VEGFC: variants seen among roughly 807,000 people sequenced by gnomAD.
VEGFC encodes vascular endothelial growth factor C, also known as FLT4 ligand DHM.
A neutral mutation model predicts 46.1 loss-of-function variants in VEGFC; 12 were observed. The ratio of observed to expected loss-of-function variants is 0.26; its 90% CI spans 0.17 to 0.42. VEGFC has a LOEUF of 0.42. Among genes scored for constraint, VEGFC ranks in the 10% least tolerant of loss-of-function variants. The probability of loss-of-function intolerance (pLI) is 1.00; values close to 1 mark genes in which losing one functional copy is unlikely to be tolerated. For missense variants in VEGFC, 488 were observed against 529.4 expected, an observed-to-expected ratio of 0.92 and a Z score of 0.77; for synonymous variants, 232 against 195.5, an observed-to-expected ratio of 1.19 and a Z score of -1.56.
At chr4:176,734,118 C>A (rs1406486681) in intron 1 of VEGFC, among the ~76,000 whole-genome samples, 1 of 151,768 alleles carries the variant, frequency 6.6e-6, no homozygotes, top group Non-Finnish European at 1.5e-5. Flanking sequence ...TAGTCACCAG[C>A]TAGGTAACTT....
intron 1 of VEGFC, among the ~76,000 whole-genome samples, chr4:176,777,059 A>AT (rs1275072243): frequency 6.6e-6 from 1 of 152,170 alleles, no homozygotes; most frequent in Non-Finnish European, 1.5e-5. Flanking sequence ...CACGCCTGTA[A>AT]TCCCAGCACT....
intron 4 of VEGFC, among the ~76,000 whole-genome samples, chr4:176,692,411 C>CA (rs1296618394): frequency 4.7e-5 from 6 of 128,658 alleles, no homozygotes; most frequent in African/African-American, 8.0e-5. Flanking sequence ...AACAAACAAA[C>CA]AAACAAAAAA....
chr4:176,766,887 A>C (rs1226416418), intron 1 of VEGFC, among the ~76,000 whole-genome samples: 1 of 151,986 alleles, frequency 6.6e-6, no homozygotes, highest in African/African-American at 2.4e-5. Context: ...AGCTTCTACA[A>C]GACTATTTTC....
intron 4 of VEGFC, among the ~76,000 whole-genome samples, chr4:176,709,614 G>A (rs1305909593): frequency 1.3e-5 from 2 of 152,176 alleles, no homozygotes; most frequent in Non-Finnish European, 2.9e-5. Flanking sequence ...TACAGAGCAG[G>A]AAATGAGCTT....
rs1004741257 is a variant in VEGFC, at chr4:176,792,883, A to AGCG, written c.-575_-573dup. On this transcript the variant is annotated 5_prime_UTR_variant, in exon 1 of 7. Coordinates refer to ENST00000618562, the MANE Select transcript of VEGFC (RefSeq NM_005429.5). The surrounding 1 kb of genome is among the most constrained non-coding windows in gnomAD (Gnocchi z 6.3). Reference sequence around the variant, plus strand: ...GGATCCTCCAGAGCGCGCCGGGCTGAGCGGCGGCGGCGGCGGCGGCGGGCG... The same window carrying AGCG: ...GGATCCTCCAGAGCGCGCCGGGCTGAGCGGCGGCGGCGGCGGCGGCGGCGGGCG... 3.0e-3 allele frequency among the ~76,000 whole-genome samples: 430 copies of AGCG among 144,912 alleles called. 1 individual carries two copies. Among genetic ancestry groups the AGCG allele is most frequent in the African/African-American group, 6.8e-3 (272 of 39,912 alleles).
chr4:176,740,359 A>ATATATAAC (rs1735146136), intron 1 of VEGFC, among the ~76,000 whole-genome samples: 3 of 120,732 alleles, frequency 2.5e-5, no homozygotes, highest in African/African-American at 1.0e-4. Context: ...ATATATAGTT[A>ATATATAAC]TATATATTCT....
At chr4:176,719,527 C>T (rs1212609492) in intron 3 of VEGFC, among the ~76,000 whole-genome samples, 1 of 152,110 alleles carries the variant, frequency 6.6e-6, no homozygotes, top group Non-Finnish European at 1.5e-5. Flanking sequence ...CCTCGACCTC[C>T]CTTGGTTTAT....
chr4:176,687,286 C>A lies in VEGFC; in HGVS notation c.1046G>T (p.Arg349Ile). 6.2e-7 allele frequency: 1 copy of A among 1,614,080 alleles called. No homozygotes were observed. Among genetic ancestry groups the A allele is most frequent in the Non-Finnish European group, 8.5e-7 (1 of 1,180,028 alleles). ...CQCVCKRTCP[R>I]NQPLNPGKCA... The stretch of plus-strand genomic sequence containing the variant: ...TTTTCCAGGATTTAGGGGTTGATTT[C>A]TGGGGCAGGTTCTTTTACATACACA... The change falls in exon 6 of 7, where the codon AGA becomes ATA. Residue 349 changes from arginine to isoleucine, a missense_variant. Coordinates refer to ENST00000618562, the MANE Select transcript of VEGFC (RefSeq NM_005429.5).
chr4:176,688,892 A>G (rs1209316644), intron 4 of VEGFC, among the ~76,000 whole-genome samples: 3 of 152,174 alleles, frequency 2.0e-5, no homozygotes, highest in East Asian at 3.9e-4. Context: ...ACAGCATTTT[A>G]GAGGCTATCA....
intron 4 of VEGFC, among the ~76,000 whole-genome samples, chr4:176,693,147 G>A (rs1380134638): frequency 2.0e-5 from 3 of 152,032 alleles, no homozygotes; most frequent in Non-Finnish European, 2.9e-5. Flanking sequence ...GACGAGCTGC[G>A]AGAAGAAGGC....
chr4:176,736,692 G>A (rs955231989), intron 1 of VEGFC, among the ~76,000 whole-genome samples: 1 of 151,814 alleles, frequency 6.6e-6, no homozygotes, highest in Admixed American at 6.6e-5. Flanking sequence ...TCATTTGAAT[G>A]AAAATATTTC....
intron 1 of VEGFC, among the ~76,000 whole-genome samples, chr4:176,757,816 T>C (rs1289606765): frequency 6.6e-6 from 1 of 152,064 alleles, no homozygotes; most frequent in Non-Finnish European, 1.5e-5. Flanking sequence ...CCTGAAATTA[T>C]AATTAACCTA....
chr4:176,714,935 C>A (rs1734674094), intron 3 of VEGFC, among the ~76,000 whole-genome samples: 1 of 152,162 alleles, frequency 6.6e-6, no homozygotes. Flanking sequence ...TCAAAGGCTG[C>A]AAGAAATGTG....
intron 4 of VEGFC, among the ~76,000 whole-genome samples, chr4:176,708,196 A>T (rs918022297): frequency 6.6e-6 from 1 of 151,564 alleles, no homozygotes; most frequent in Non-Finnish European, 1.5e-5. Context: ...AAATTATTAT[A>T]TTTGTATTAT....
chr4:176,728,107 G>T, intron 2 of VEGFC, 139 bp from the exon 3 acceptor site: 1 of 588,474 alleles, frequency 1.7e-6, no homozygotes, highest in Non-Finnish European at 2.8e-6. Flanking sequence ...CAGCTGATGG[G>T]ATCCTAAATT....
chr4:176,703,786 C>A (rs1487801323), intron 4 of VEGFC, among the ~76,000 whole-genome samples: 4 of 152,004 alleles, frequency 2.6e-5, no homozygotes, highest in Admixed American at 2.6e-4. Context: ...AAAATGCAGT[C>A]ATAGCCACAC....
At chr4:176,708,998 T>A (rs912332619) in intron 4 of VEGFC, among the ~76,000 whole-genome samples, 1 of 152,118 alleles carries the variant, frequency 6.6e-6, no homozygotes, top group Non-Finnish European at 1.5e-5. Flanking sequence ...TAGTGGCAAA[T>A]CTGAATTCAG....
intron 1 of VEGFC, among the ~76,000 whole-genome samples, chr4:176,775,848 A>G (rs934452124): frequency 6.6e-6 from 1 of 152,200 alleles, no homozygotes; most frequent in Non-Finnish European, 1.5e-5. Flanking sequence ...TTCCCAAACA[A>G]TCAGAGATGG....
chr4:176,710,160 ATAT>A (rs2110997702), intron 4 of VEGFC, among the ~76,000 whole-genome samples: 1 of 152,330 alleles, frequency 6.6e-6, no homozygotes, highest in South Asian at 2.1e-4. Context: ...TTTAGATAAA[ATAT>A]TATAAGTCAA....
Sources: allele counts gnomAD v4.1 joint callset (sites outside exome capture counted in the v4.1 genomes callset), GRCh38; gene constraint gnomAD v4.1.1; non-coding constraint Gnocchi (gnomAD v3.1); transcripts MANE v1.5; gene names NCBI Gene and HGNC (gene_info 2026-07-23, HGNC 2026-07-21).